The following HDAC9 variants were observed in gnomAD, a reference collection of about 807,000 sequenced individuals.
HDAC9 encodes histone deacetylase 9.
Under a neutral mutation model 139.4 loss-of-function variants are expected in HDAC9, and 41 were observed. The ratio of observed to expected loss-of-function variants is 0.29; its 90% CI spans 0.23 to 0.38. The LOEUF (loss-of-function observed/expected upper bound fraction) is 0.38. HDAC9 is among the 10% of genes least tolerant of loss of function. The pLI, the probability that HDAC9 is intolerant of heterozygous loss-of-function variation, is 1.00. For synonymous variants in HDAC9, 517 were observed against 476.2 expected (o/e 1.09, Z -1.12); for missense variants, 1,147 against 1,297.0 (o/e 0.88, Z 1.78).
At chr7:18,374,122 A>T (rs550053595) in intron 1 of HDAC9, among the ~76,000 whole-genome samples, 1 of 151,758 alleles carries the variant, frequency 6.6e-6, no homozygotes, top group African/African-American at 2.4e-5. Flanking sequence ...CATATATATC[A>T]TAAAAATATA....
chr7:18,180,486 A>G (rs1789335348), intron 2 of HDAC9, among the ~76,000 whole-genome samples: 1 of 151,986 alleles, frequency 6.6e-6, no homozygotes, highest in Admixed American at 6.6e-5. Flanking sequence ...TACAATTTCC[A>G]TCCTGCGGCC....
chr7:18,734,200 CATT>C (rs1562896048), intron 13 of HDAC9, among the ~76,000 whole-genome samples: 1 of 152,126 alleles, frequency 6.6e-6, no homozygotes, highest in East Asian at 1.9e-4. Flanking sequence ...AACTTTTCAT[CATT>C]ATTATATATT....
At chr7:18,966,738 G>A (rs563432861) in intron 24 of HDAC9, among the ~76,000 whole-genome samples, 6 of 152,070 alleles carry the variant, frequency 3.9e-5, no homozygotes, top group African/African-American at 1.4e-4. Context: ...TAGAGTTAGG[G>A]GAAAATTTGA....
intron 1 of HDAC9, among the ~76,000 whole-genome samples, chr7:18,468,504 G>C (rs2128117481): frequency 6.6e-6 from 1 of 152,058 alleles, no homozygotes; most frequent in Middle Eastern, 3.4e-3. Context: ...TCATTCACAA[G>C]TGTGATCATA....
At chr7:18,613,746 G>C (rs801516) in intron 6 of HDAC9, among the ~76,000 whole-genome samples, 4 of 151,916 alleles carry the variant, frequency 2.6e-5, no homozygotes, top group African/African-American at 7.3e-5. Context: ...CTGATTCAGC[G>C]TTTGGTCTCT....
chr7:18,768,521 G>T (rs984804407), intron 16 of HDAC9, among the ~76,000 whole-genome samples: 3 of 152,156 alleles, frequency 2.0e-5, no homozygotes, highest in Non-Finnish European at 2.9e-5. Flanking sequence ...CTCCTGTGGA[G>T]CTGGGAGCTT....
chr7:18,369,200 A>G (rs889236367), intron 1 of HDAC9, among the ~76,000 whole-genome samples: 6 of 152,018 alleles, frequency 3.9e-5, no homozygotes, highest in East Asian at 1.9e-4. Context: ...GCAATTCTGG[A>G]TTGTTGTAAA....
intron 12 of HDAC9, among the ~76,000 whole-genome samples, chr7:18,675,667 A>G (rs1156280338): frequency 6.6e-6 from 1 of 151,968 alleles, no homozygotes; most frequent in African/African-American, 2.4e-5. Context: ...CACCTTTTTC[A>G]TGTCCTAGCA....
At chr7:18,089,318 C>T (rs894579441) in intron 1 of HDAC9, among the ~76,000 whole-genome samples, 1 of 152,018 alleles carries the variant, frequency 6.6e-6, no homozygotes, top group Non-Finnish European at 1.5e-5. Context: ...GAGTGTTTAG[C>T]ACATTAAAGT....
At chr7:18,111,318 T>C (rs1783607740) in intron 1 of HDAC9, among the ~76,000 whole-genome samples, 1 of 152,228 alleles carries the variant, frequency 6.6e-6, no homozygotes, top group Non-Finnish European at 1.5e-5. Context: ...AGTTGCTAAC[T>C]GAAGTCATTA....
At chr7:18,521,987 T>C (rs1805202360) in intron 2 of HDAC9, among the ~76,000 whole-genome samples, 1 of 152,172 alleles carries the variant, frequency 6.6e-6, no homozygotes, top group Admixed American at 6.5e-5. Context: ...TTGTGTCTTC[T>C]GTTATCATTC....
intron 15 of HDAC9, among the ~76,000 whole-genome samples, chr7:18,766,270 A>C (rs1789822517): frequency 6.6e-6 from 1 of 152,208 alleles, no homozygotes; most frequent in Non-Finnish European, 1.5e-5. Context: ...ATTACTCCAC[A>C]GACAGATTTT....
chr7:18,309,614 G>A (rs1437771457), intron 1 of HDAC9, among the ~76,000 whole-genome samples: 2 of 152,090 alleles, frequency 1.3e-5, no homozygotes, highest in African/African-American at 4.8e-5. Context: ...AAACAAGAGG[G>A]AACATTTGGG....
intron 25 of HDAC9, among the ~76,000 whole-genome samples, chr7:18,982,602 A>G (rs1469487116): frequency 6.6e-6 from 1 of 152,018 alleles, no homozygotes; most frequent in Admixed American, 6.6e-5. Flanking sequence ...CATTTTTATT[A>G]CCTCCAAAAA....
At chr7:18,886,726 G>A (rs1800188515) in intron 22 of HDAC9, among the ~76,000 whole-genome samples, 1 of 152,078 alleles carries the variant, frequency 6.6e-6, no homozygotes, top group African/African-American at 2.4e-5. Context: ...TCCAGTGACT[G>A]AATAGAATCC....
intron 1 of HDAC9, among the ~76,000 whole-genome samples, chr7:18,430,058 T>C (rs1343663859): frequency 1.3e-5 from 2 of 152,206 alleles, no homozygotes; most frequent in East Asian, 3.9e-4. Context: ...ATCATCCTTT[T>C]TTGATATTAG....
chr7:18,273,029 T>TTCC (rs1339721062), intron 2 of HDAC9, among the ~76,000 whole-genome samples: 1 of 145,414 alleles, frequency 6.9e-6, no homozygotes, highest in African/African-American at 2.6e-5. Context: ...CCTCCTCCTC[T>TTCC]TCCTCTTCCC....
At chr7:18,520,771 A>T (rs1586620894) in intron 2 of HDAC9, among the ~76,000 whole-genome samples, 1 of 152,220 alleles carries the variant, frequency 6.6e-6, no homozygotes, top group Non-Finnish European at 1.5e-5. Context: ...TTGGTCTGAC[A>T]CCAAGCAAGA....
intron 2 of HDAC9, among the ~76,000 whole-genome samples, chr7:18,533,188 T>C (rs1470776659): frequency 6.6e-6 from 1 of 152,196 alleles, no homozygotes; most frequent in Non-Finnish European, 1.5e-5. Flanking sequence ...ACTTGCATGT[T>C]TCTACCATGT....
Sources: allele counts gnomAD v4.1 joint callset (sites outside exome capture counted in the v4.1 genomes callset), GRCh38; gene constraint gnomAD v4.1.1; transcripts MANE v1.5; gene names NCBI Gene and HGNC (gene_info 2026-07-23, HGNC 2026-07-21).